CCNY: variants seen among roughly 807,000 people sequenced by gnomAD.
The protein encoded by CCNY is cyclin-Y.
In CCNY, 19 loss-of-function variants were observed where a neutral mutation model predicts 42.8. The observed-to-expected ratio is 0.44, with a 90% CI of 0.31 to 0.65. The LOEUF (loss-of-function observed/expected upper bound fraction) is 0.65, where lower values mean the gene tolerates loss of function less well. CCNY is among the 30% of genes least tolerant of loss of function. The pLI is 0.07. For synonymous variants in CCNY, 165 were observed against 162.7 expected (o/e 1.01, Z -0.11); for missense variants, 370 against 437.3 (o/e 0.85, Z 1.37).
At chr10:35,366,752 G>A (rs2224242) in intron 1 of CCNY, among the ~76,000 whole-genome samples, 1 of 152,182 alleles carries the variant, frequency 6.6e-6, no homozygotes, top group African/African-American at 2.4e-5. Flanking sequence ...TTATATATCT[G>A]CACTGTCCAA....
At chr10:35,507,792 G>GT (rs59237920) in intron 3 of CCNY, among the ~76,000 whole-genome samples, 1,604 of 143,402 alleles carry the variant, frequency 0.011, 29 homozygotes, top group African/African-American at 0.039. Flanking sequence ...TACAGGGCCA[G>GT]TTTTTTTTTT....
intron 3 of CCNY, among the ~76,000 whole-genome samples, chr10:35,512,918 A>C (rs553215106): frequency 2.6e-5 from 4 of 152,132 alleles, no homozygotes; most frequent in African/African-American, 9.6e-5. Flanking sequence ...CCTCCTCCTC[A>C]TCATCCTGCG....
chr10:35,375,771 C>G (rs1837038918), intron 1 of CCNY, among the ~76,000 whole-genome samples: 1 of 152,082 alleles, frequency 6.6e-6, no homozygotes, highest in Non-Finnish European at 1.5e-5. Context: ...GAAATTGTGT[C>G]TATAGGTGAA....
At chr10:35,503,764 AAGTT>A (rs1214307153) in intron 3 of CCNY, among the ~76,000 whole-genome samples, 1 of 152,150 alleles carries the variant, frequency 6.6e-6, no homozygotes, top group African/African-American at 2.4e-5. Context: ...AGGCACAAAG[AAGTT>A]AGCCAAGTAG....
intron 3 of CCNY, among the ~76,000 whole-genome samples, chr10:35,286,475 C>T (rs1257753323): frequency 6.6e-6 from 1 of 151,764 alleles, no homozygotes; most frequent in East Asian, 1.9e-4. Flanking sequence ...TCTCCTGCCT[C>T]AGCCGCCCAA....
chr10:35,282,236 C>T (rs1835306311), intron 3 of CCNY, among the ~76,000 whole-genome samples: 1 of 151,172 alleles, frequency 6.6e-6, no homozygotes, highest in African/African-American at 2.4e-5. Flanking sequence ...ATCCTCCCAA[C>T]TCAGCCTCCC....
intron 3 of CCNY, among the ~76,000 whole-genome samples, chr10:35,501,988 C>T (rs1195974463): frequency 6.6e-6 from 1 of 152,188 alleles, no homozygotes; most frequent in Admixed American, 6.5e-5. Context: ...GTAGAGTCTG[C>T]GTGTTCTTCT....
upstream of CCNY, chr10:35,336,377 G>T (rs980975686): frequency 6.6e-6 from 1 of 152,056 alleles, no homozygotes; most frequent in Non-Finnish European, 1.5e-5. Flanking sequence ...TCCCACAACC[G>T]CGCGGGGCTG....
intron 7 of CCNY, among the ~76,000 whole-genome samples, 191 bp from the exon 8 acceptor site, chr10:35,552,828 T>C (rs1841287358): frequency 6.6e-6 from 1 of 152,216 alleles, no homozygotes; most frequent in Non-Finnish European, 1.5e-5. Context: ...CACTGTCCAC[T>C]AATGGAGTGG....
At position 35,553,580 on chromosome 10, in the gene CCNY, G is replaced by A. The variant is rs115746828; in HGVS notation, c.746+395G>A. Reference sequence around the variant, plus strand: ...CCATACAGTCCTTTGTGGTCAATAAGGCAATCCAAAAAGCACAAAAGCTAA... The same window carrying A: ...CCATACAGTCCTTTGTGGTCAATAAAGCAATCCAAAAAGCACAAAAGCTAA... On this transcript the variant is annotated intron_variant, in intron 8 of 9. Coordinates refer to ENST00000374704, the MANE Select transcript of CCNY (RefSeq NM_145012.6). Among the ~76,000 whole-genome samples, 504 of 152,260 alleles carry A rather than the reference G, an allele frequency of 3.3e-3. 4 individuals carry two copies. The highest frequency in any genetic ancestry group is 0.011 in the African/African-American group (476 of 41,540).
At chr10:35,469,958 G>A (rs1839355182) in intron 1 of CCNY, among the ~76,000 whole-genome samples, 1 of 146,308 alleles carries the variant, frequency 6.8e-6, no homozygotes, top group Non-Finnish European at 1.5e-5. Context: ...ACAGGGAGAT[G>A]GAGAGACAGA....
At chr10:35,471,115 A>G (rs908211444) in intron 1 of CCNY, among the ~76,000 whole-genome samples, 1 of 152,190 alleles carries the variant, frequency 6.6e-6, no homozygotes, top group African/African-American at 2.4e-5. Context: ...GAACCTATCA[A>G]GGAATCACAG....
At chr10:35,276,068 T>C (rs1424483350) in intron 3 of CCNY, among the ~76,000 whole-genome samples, 1 of 152,248 alleles carries the variant, frequency 6.6e-6, no homozygotes, top group South Asian at 2.1e-4. Flanking sequence ...TTGTCATGTT[T>C]CTGCAGCCAC....
rs907971927 is a variant in CCNY at position 35,485,853 on chromosome 10, C to T, written c.229+2375C>T. The stretch of plus-strand genomic sequence containing the variant: ...TTTGGCAAATTGGTCCTAAGAAATC[C>T]TGCCCTTCTGAAAGCTCCTCAGACA... On this transcript the variant is annotated intron_variant, in intron 2 of 9. Coordinates refer to ENST00000374704, the MANE Select transcript of CCNY (RefSeq NM_145012.6). Among the ~76,000 whole-genome samples, 9 of 152,224 alleles carry T rather than the reference C, an allele frequency of 5.9e-5. No homozygotes were observed. In the South Asian group the frequency reaches 1.7e-3, roughly 28 times the overall value.
At chr10:35,372,939 C>T (rs1836970414) in intron 1 of CCNY, among the ~76,000 whole-genome samples, 2 of 152,156 alleles carry the variant, frequency 1.3e-5, no homozygotes, top group South Asian at 4.1e-4. Flanking sequence ...TTCAGGTTAT[C>T]CACCTGCCTC....
intron 4 of CCNY, among the ~76,000 whole-genome samples, chr10:35,522,139 C>T (rs938346182): frequency 6.6e-6 from 1 of 152,156 alleles, no homozygotes; most frequent in African/African-American, 2.4e-5. Flanking sequence ...GAAAAAAACC[C>T]AAGGACAGAA....
At chr10:35,477,875 A>T (rs566692813) in intron 1 of CCNY, among the ~76,000 whole-genome samples, 28 of 149,752 alleles carry the variant, frequency 1.9e-4, no homozygotes, top group African/African-American at 6.6e-4. Context: ...ACATGATTGT[A>T]TATCTAGAAA....
At chr10:35,459,844 G>T (rs930315287) in intron 1 of CCNY, among the ~76,000 whole-genome samples, 1 of 152,068 alleles carries the variant, frequency 6.6e-6, no homozygotes, top group Non-Finnish European at 1.5e-5. Context: ...CCTTGTGTTG[G>T]GTACTTGGGG....
At chr10:35,564,704 T>C in intron 8 of CCNY, among the ~76,000 whole-genome samples, 1 of 152,180 alleles carries the variant, frequency 6.6e-6, no homozygotes, top group East Asian at 1.9e-4. Context: ...CTGTGTGTTT[T>C]GGCTGCCTGC....
Sources: allele counts gnomAD v4.1 joint callset (sites outside exome capture counted in the v4.1 genomes callset), GRCh38; gene constraint gnomAD v4.1.1; transcripts MANE v1.5; gene names NCBI Gene and HGNC (gene_info 2026-07-23, HGNC 2026-07-21).